The following THSD7A variants were observed in gnomAD, a reference collection of about 807,000 sequenced individuals.
THSD7A encodes the protein thrombospondin type-1 domain-containing protein 7A.
THSD7A carries 96 observed loss-of-function variants against 231.3 expected under a neutral mutation model. The ratio of observed to expected loss-of-function variants is 0.41; its 90% CI spans 0.35 to 0.49. The LOEUF is 0.49. Ranked by LOEUF, THSD7A falls within the 20% of genes least tolerant of loss-of-function variation. The pLI, the probability that THSD7A is intolerant of heterozygous loss-of-function variation, is 0.05. For synonymous variants in THSD7A, 940 were observed against 743.3 expected (o/e 1.26, Z -4.30); for missense variants, 2,290 against 2,070.2 (o/e 1.11, Z -2.06).
chr7:11,484,055 GCT>G (rs1786544886), intron 6 of THSD7A, among the ~76,000 whole-genome samples: 1 of 150,940 alleles, frequency 6.6e-6, no homozygotes, highest in African/African-American at 2.4e-5. Flanking sequence ...TCTTATTTTA[GCT>G]CTTTTTCAAT....
chr7:11,546,951 G>A (rs901497029), intron 4 of THSD7A, among the ~76,000 whole-genome samples: 1 of 152,090 alleles, frequency 6.6e-6, no homozygotes, highest in Non-Finnish European at 1.5e-5. Context: ...AGCTAATGAA[G>A]AAATTTCAGA....
At chr7:11,670,758 T>C (rs897524707) in intron 1 of THSD7A, among the ~76,000 whole-genome samples, 2 of 152,182 alleles carry the variant, frequency 1.3e-5, no homozygotes, top group African/African-American at 4.8e-5. Context: ...TATTCAAAGA[T>C]CTTTCACCCC....
chr7:11,438,759 T>C (rs1784711141), intron 13 of THSD7A, among the ~76,000 whole-genome samples: 3 of 152,128 alleles, frequency 2.0e-5, no homozygotes, highest in South Asian at 2.1e-4. Context: ...TACCAAGGCC[T>C]GGTAATTTTA....
At chr7:11,461,767 C>T (rs769606512) in intron 10 of THSD7A, among the ~76,000 whole-genome samples, 5 of 152,148 alleles carry the variant, frequency 3.3e-5, no homozygotes, top group Non-Finnish European at 7.4e-5. Context: ...AGACATTTCC[C>T]CAAACTACTG....
intron 2 of THSD7A, among the ~76,000 whole-genome samples, chr7:11,599,831 T>G (rs938037272): frequency 6.6e-6 from 1 of 151,734 alleles, no homozygotes; most frequent in Non-Finnish European, 1.5e-5. Flanking sequence ...GAGATTAACA[T>G]TTGAGTCAAT....
chr7:11,787,640 T>C lies in THSD7A; in HGVS notation c.190+44117A>G, dbSNP rs182134934. Among the ~76,000 whole-genome samples, 299 of 152,040 alleles carry C rather than the reference T, an allele frequency of 2.0e-3. 1 individual carries two copies. Among genetic ancestry groups the C allele is most frequent in the Non-Finnish European group, 3.1e-3 (214 of 67,938 alleles). On this transcript the variant is annotated intron_variant, in intron 1 of 27. Transcript: ENST00000423059. Reference sequence around the variant, plus strand: ...CCAAAGAAAATATACAGATGGCAAATAAGCATATGAAAGATGTTTCACATC... The same window carrying C: ...CCAAAGAAAATATACAGATGGCAAACAAGCATATGAAAGATGTTTCACATC...
chr7:11,533,590 G>A (rs927867945), intron 6 of THSD7A, among the ~76,000 whole-genome samples: 1 of 152,178 alleles, frequency 6.6e-6, no homozygotes, highest in African/African-American at 2.4e-5. Flanking sequence ...GTTGTTTGCA[G>A]GGACATGGAT....
intron 23 of THSD7A, among the ~76,000 whole-genome samples, chr7:11,395,768 C>G (rs1057132442): frequency 5.3e-5 from 8 of 152,042 alleles, no homozygotes; most frequent in Admixed American, 4.6e-4. Context: ...CCTTGTAATC[C>G]GCCCGCCTCG....
In THSD7A at chr7:11,609,725, T is replaced by G. The variant is rs140316972; in HGVS notation, c.1023-16223A>C. On this transcript the variant is annotated intron_variant, in intron 2 of 27. Transcript: ENST00000423059. The stretch of plus-strand genomic sequence containing the variant: ...AGTAAGCAGTACTCCTAGATACTCA[T>G]CACAGATCATGCAGAGAAGCTTATT... 1.0e-3 allele frequency among the ~76,000 whole-genome samples: 154 copies of G among 152,272 alleles called. No homozygotes were observed. The South Asian group carries it at 0.012, about 12-fold the overall frequency.
At chr7:11,447,828 C>T (rs1468521060) in intron 11 of THSD7A, among the ~76,000 whole-genome samples, 1 of 152,050 alleles carries the variant, frequency 6.6e-6, no homozygotes, top group Non-Finnish European at 1.5e-5. Context: ...CTGGAAGATA[C>T]TAGGTATATC....
At chr7:11,569,755 C>T (rs1790540815) in intron 4 of THSD7A, among the ~76,000 whole-genome samples, 1 of 152,058 alleles carries the variant, frequency 6.6e-6, no homozygotes, top group African/African-American at 2.4e-5. Context: ...TATTTATAGC[C>T]AAGATTTGGA....
chr7:11,453,142 G>A (rs1052228177), intron 11 of THSD7A, among the ~76,000 whole-genome samples: 78 of 151,792 alleles, frequency 5.1e-4, no homozygotes, highest in African/African-American at 1.8e-3. Context: ...TTTAAAAAAA[G>A]AGCAAAGTGG....
In THSD7A at chr7:11,564,689, C is replaced by T. The variant is rs114664376; in HGVS notation, c.1454-21572G>A. Among the ~76,000 whole-genome samples, 520 of 152,232 alleles carry T rather than the reference C, an allele frequency of 3.4e-3. 3 individuals carry two copies. The highest frequency in any genetic ancestry group is 0.012 in the African/African-American group (496 of 41,522). Reference sequence around the variant, plus strand: ...ATAGGGTTTTCCCTATTTGTATATTCACTGGCCATTTTAGGGAATTATAGA... The same window carrying T: ...ATAGGGTTTTCCCTATTTGTATATTTACTGGCCATTTTAGGGAATTATAGA... On this transcript the variant is annotated intron_variant, in intron 4 of 27. Transcript: ENST00000423059.
chr7:11,613,633 T>C lies in THSD7A; in HGVS notation c.1023-20131A>G, dbSNP rs1781009347. On this transcript the variant is annotated intron_variant, in intron 2 of 27. Coordinates refer to ENST00000423059, the MANE Select transcript of THSD7A (RefSeq NM_015204.3). ...GAAGATTTGTATGGGCCCCAAAATATACACTTCTTTTTACCAAAGTTAACT... is the reference window on the plus strand; with the variant it reads ...GAAGATTTGTATGGGCCCCAAAATACACACTTCTTTTTACCAAAGTTAACT... Among the ~76,000 whole-genome samples the C allele has an allele frequency of 3.3e-5, 5 of 152,330 alleles. No homozygotes were observed. In the South Asian group the frequency reaches 1.0e-3, roughly 32 times the overall value.
At chr7:11,613,512 T>C (rs1781005282) in intron 2 of THSD7A, among the ~76,000 whole-genome samples, 1 of 152,214 alleles carries the variant, frequency 6.6e-6, no homozygotes. Context: ...CCTTTATTTC[T>C]GAAATATACC....
At chr7:11,387,951 C>A (rs1782826585) in intron 23 of THSD7A, among the ~76,000 whole-genome samples, 1 of 151,646 alleles carries the variant, frequency 6.6e-6, no homozygotes, top group Non-Finnish European at 1.5e-5. Context: ...GCCTTTTCTG[C>A]ATCTAATCAT....
intron 1 of THSD7A, among the ~76,000 whole-genome samples, chr7:11,721,116 T>C (rs1301579144): frequency 6.6e-6 from 1 of 151,880 alleles, no homozygotes; most frequent in Non-Finnish European, 1.5e-5. Flanking sequence ...CTCCACTTTC[T>C]ACTTGTAATT....
At chr7:11,786,615 C>T (rs76489788) in intron 1 of THSD7A, among the ~76,000 whole-genome samples, 3,583 of 151,950 alleles carry the variant, frequency 0.024, 64 homozygotes, top group East Asian at 0.11. Flanking sequence ...CTAGATGCCT[C>T]GCTCTAACTT....
chr7:11,622,104 G>C (rs1008555124), intron 2 of THSD7A, among the ~76,000 whole-genome samples: 1 of 151,978 alleles, frequency 6.6e-6, no homozygotes, highest in African/African-American at 2.4e-5. Context: ...AAAGTAAAAT[G>C]TATATATTTA....
Sources: gnomAD v4.1 joint callset for allele counts (sites outside exome capture counted in the v4.1 genomes callset) on GRCh38, gnomAD v4.1.1 for gene constraint, MANE v1.5 for transcripts, NCBI Gene and HGNC (gene_info 2026-07-23, HGNC 2026-07-21) for gene names.